Variants in PEX14 observed in about 807,000 individuals in gnomAD.
PEX14 encodes the protein peroxisomal membrane protein PEX14.
PEX14 carries 15 observed loss-of-function variants against 49.5 expected under a neutral mutation model. The ratio of observed to expected loss-of-function variants is 0.30; its 90% confidence interval spans 0.20 to 0.47. The LOEUF (loss-of-function observed/expected upper bound fraction) is 0.47. PEX14 is among the 20% of genes least tolerant of loss of function. PEX14 has a pLI of 1.00. For missense variants in PEX14, 398 were observed against 494.8 expected (o/e 0.80, Z 1.86); for synonymous variants, 210 against 212.7 (o/e 0.99, Z 0.11).
rs570857572 is a variant in PEX14 at position 10,628,785 on chromosome 1, C to T, written c.678-746C>T. On this transcript the variant is annotated intron_variant, in intron 8 of 8. Coordinates refer to ENST00000356607, the MANE Select transcript of PEX14 (RefSeq NM_004565.3). This position sits in a 1 kb window ranked among gnomAD's most constrained non-coding sequence, Gnocchi z 4.5. The stretch of plus-strand genomic sequence containing the variant: ...AGGCCCCTGCTGGGGGACAGCCCTG[C>T]GGGCAGGGCTTTGTCCTCTTGGCTC... 2.0e-5 allele frequency among the ~76,000 whole-genome samples: 3 copies of T among 152,198 alleles called. No individual in the cohort carries two copies. Among genetic ancestry groups the T allele is most frequent in the Non-Finnish European group, 4.4e-5 (3 of 68,026 alleles).
chr1:10,623,136 C>T lies in PEX14; in HGVS notation c.487+15C>T. 6.4e-7 allele frequency: 1 copy of T among 1,571,010 alleles called. No homozygotes were observed. The highest frequency in any genetic ancestry group is 8.8e-7 in the Non-Finnish European group (1 of 1,142,536). On this transcript the variant is annotated intron_variant, in intron 6 of 8. Transcript: ENST00000356607. This position sits in a 1 kb window ranked among gnomAD's most constrained non-coding sequence, Gnocchi z 4.4. ...GGCCCAGACAGGTAAAGATTAATGA[C>T]TCCATCAAGTCACCCCTCACAGCCT...
intron 4 of PEX14, among the ~76,000 whole-genome samples, chr1:10,599,822 C>A (rs1164739827): frequency 4.6e-5 from 7 of 152,124 alleles, no homozygotes; most frequent in African/African-American, 1.7e-4. Flanking sequence ...CATTTCCCTC[C>A]CTCCCTTGTC....
intron 3 of PEX14, among the ~76,000 whole-genome samples, chr1:10,577,562 ATTTTTTTTTTTTTTTTT>A (rs1164876121): frequency 9.7e-4 from 6 of 6,202 alleles, no homozygotes; most frequent in Non-Finnish European, 1.5e-3. Context: ...ATATATATAT[ATTTTTTTTTTTTTTTTT>A]TTTTTTTTTT....
intron 1 of PEX14, among the ~76,000 whole-genome samples, chr1:10,483,968 A>G (rs1641326524): frequency 6.6e-6 from 1 of 151,100 alleles, no homozygotes; most frequent in African/African-American, 2.5e-5. Flanking sequence ...GGCTCAGAAT[A>G]ATGTTTGTGA....
chr1:10,478,785 G>A (rs574912378), intron 1 of PEX14, among the ~76,000 whole-genome samples: 3 of 149,586 alleles, frequency 2.0e-5, no homozygotes, highest in East Asian at 3.9e-4. Context: ...TCGCTCTGTC[G>A]CCCAGGCTGG....
intron 4 of PEX14, among the ~76,000 whole-genome samples, chr1:10,609,757 C>T (rs746405158): frequency 1.4e-4 from 22 of 152,090 alleles, no homozygotes; most frequent in Admixed American, 4.6e-4. Context: ...TGGTGGCGGG[C>T]GCCTGTAATC....
intron 3 of PEX14, among the ~76,000 whole-genome samples, chr1:10,546,578 A>T (rs1639179748): frequency 7.0e-6 from 1 of 143,358 alleles, no homozygotes; most frequent in Non-Finnish European, 1.5e-5. Flanking sequence ...AAAAAAAAAA[A>T]AAAAAAGGCT....
At position 10,504,535 on chromosome 1, in the gene PEX14, G is replaced by A. The variant is rs189332420; in HGVS notation, c.84+9214G>A. 7.9e-4 allele frequency among the ~76,000 whole-genome samples: 121 copies of A among 152,238 alleles called. 1 individual carries two copies. In the South Asian group the frequency reaches 8.9e-3, roughly 11 times the overall value. ...TGTTTGTGTGCAGAGTGTGTGGGGCGGTGCTCTGGGTCAGCGATCATTCCC... is the reference window on the plus strand; with the variant it reads ...TGTTTGTGTGCAGAGTGTGTGGGGCAGTGCTCTGGGTCAGCGATCATTCCC... On this transcript the variant is annotated intron_variant, in intron 2 of 8. Coordinates refer to ENST00000356607, the MANE Select transcript of PEX14 (RefSeq NM_004565.3).
At position 10,512,930 on chromosome 1, in the gene PEX14, C is replaced by G. The variant is rs762493727; in HGVS notation, c.84+17609C>G. Among the ~76,000 whole-genome samples, 3 of 152,144 alleles carry G rather than the reference C, an allele frequency of 2.0e-5. No individual in the cohort carries two copies. Among genetic ancestry groups the G allele is most frequent in the Non-Finnish European group, 4.4e-5 (3 of 68,026 alleles). ...GCTGGGATGGTCTGGATCTCGTGAC[C>G]TCGTGATCCACCCACCTTGGTCTCC... On this transcript the variant is annotated intron_variant, in intron 2 of 8. Transcript: ENST00000356607. The surrounding 1 kb of genome is among the most constrained non-coding windows in gnomAD (Gnocchi z 4.6).
At chr1:10,499,443 C>G in intron 2 of PEX14, among the ~76,000 whole-genome samples, 1 of 119,674 alleles carries the variant, frequency 8.4e-6, no homozygotes, top group African/African-American at 2.9e-5. Context: ...TCCCAAAGAA[C>G]AATTTTTTTT....
intron 1 of PEX14, among the ~76,000 whole-genome samples, chr1:10,482,516 C>A (rs560509687): frequency 6.6e-6 from 1 of 151,740 alleles, no homozygotes; most frequent in Non-Finnish European, 1.5e-5. Context: ...TCACTGCAAC[C>A]TCCGTCTCCC....
At chr1:10,518,746 G>A (rs987412353) in intron 2 of PEX14, among the ~76,000 whole-genome samples, 1 of 152,198 alleles carries the variant, frequency 6.6e-6, no homozygotes, top group East Asian at 1.9e-4. Flanking sequence ...CCTGCATGGT[G>A]CTTCCTGCGT....
intron 3 of PEX14, among the ~76,000 whole-genome samples, chr1:10,558,896 A>G (rs1224062452): frequency 6.6e-6 from 1 of 152,182 alleles, no homozygotes; most frequent in African/African-American, 2.4e-5. Flanking sequence ...TAGTTCCTGC[A>G]CATTTCCTTT....
At chr1:10,502,250 G>T (rs1339441275) in intron 2 of PEX14, among the ~76,000 whole-genome samples, 1 of 152,086 alleles carries the variant, frequency 6.6e-6, no homozygotes, top group Non-Finnish European at 1.5e-5. Flanking sequence ...CTGACTTCTG[G>T]TTGGGAAGGT....
chr1:10,581,062 A>G (rs1200401348), intron 3 of PEX14, among the ~76,000 whole-genome samples: 1 of 152,140 alleles, frequency 6.6e-6, no homozygotes, highest in Non-Finnish European at 1.5e-5. Flanking sequence ...TAAGTGTCCT[A>G]TTGATATGAG....
rs1374474122 is a variant in PEX14 at position 10,536,261 on chromosome 1, C to T, written c.133C>T (p.Pro45Ser). 4 of 1,611,442 alleles carry T rather than the reference C, an allele frequency of 2.5e-6. No individual in the cohort carries two copies. The highest frequency in any genetic ancestry group is 3.4e-6 in the Non-Finnish European group (4 of 1,177,632). The change falls in exon 3 of 9, where the codon CCA becomes TCA. Residue 45 changes from proline to serine, a missense_variant. By Grantham distance (74) the Pro-to-Ser change is moderately conservative (BLOSUM62 -1). Coordinates refer to ENST00000356607, the MANE Select transcript of PEX14 (RefSeq NM_004565.3). Reference protein sequence around the residue: ...FLQNSRVRQSPLATRRAFLKK... With the variant: ...FLQNSRVRQSSLATRRAFLKK... ...ACAGAATTCCCGGGTCCGCCAGAGC[C>T]CACTTGCAACCAGGAGAGCATTCCT...
intron 3 of PEX14, among the ~76,000 whole-genome samples, chr1:10,592,625 C>G (rs1466914644): frequency 6.6e-6 from 1 of 152,202 alleles, no homozygotes; most frequent in Non-Finnish European, 1.5e-5. Flanking sequence ...GAGCTAAGCT[C>G]AATGACTGGT....
At chr1:10,546,287 C>T (rs939220716) in intron 3 of PEX14, among the ~76,000 whole-genome samples, 15 of 151,062 alleles carry the variant, frequency 9.9e-5, no homozygotes, top group African/African-American at 3.2e-4. Context: ...GCAGTTAGGC[C>T]GGGTGCAGTG....
At position 10,512,765 on chromosome 1, in the gene PEX14, G is replaced by T. The variant is rs1003506241; in HGVS notation, c.84+17444G>T. ...CCAGGCTGGAGTGCAGTGGCGTGATGTCGGCTCACTGCAACCTCCGCCTCA... is the reference window on the plus strand; with the variant it reads ...CCAGGCTGGAGTGCAGTGGCGTGATTTCGGCTCACTGCAACCTCCGCCTCA... On this transcript the variant is annotated intron_variant, in intron 2 of 8. Transcript: ENST00000356607. This position sits in a 1 kb window ranked among gnomAD's most constrained non-coding sequence, Gnocchi z 4.6. Among the ~76,000 whole-genome samples the T allele has an allele frequency of 6.6e-6, 1 of 151,738 alleles. No individual in the cohort carries two copies. Among genetic ancestry groups the T allele is most frequent in the Non-Finnish European group, 1.5e-5 (1 of 67,956 alleles).
Sources: gnomAD v4.1 joint callset for allele counts (sites outside exome capture counted in the v4.1 genomes callset) on GRCh38, gnomAD v4.1.1 for gene constraint, Gnocchi (gnomAD v3.1) non-coding constraint, MANE v1.5 for transcripts, NCBI Gene and HGNC (gene_info 2026-07-23, HGNC 2026-07-21) for gene names.